The following DAB1 variants were observed in gnomAD, a reference collection of about 807,000 sequenced individuals.
The protein encoded by DAB1 is DAB adaptor protein 1, also known as disabled homolog 1.
DAB1 carries 15 observed loss-of-function variants against 64.6 expected under a neutral mutation model. That is an observed-to-expected ratio of 0.23 (90% CI 0.16 to 0.36). The LOEUF is 0.36. Ranked by LOEUF, DAB1 falls within the 10% of genes least tolerant of loss-of-function variation. DAB1 has a pLI of 1.00. For missense variants in DAB1, 596 were observed against 706.7 expected (o/e 0.84, Z 1.78); for synonymous variants, 235 against 251.9 (o/e 0.93, Z 0.64).
intron 7 of DAB1, among the ~76,000 whole-genome samples, chr1:57,503,479 T>A (rs1356040694): frequency 1.3e-5 from 2 of 152,186 alleles, no homozygotes; most frequent in South Asian, 4.1e-4. Flanking sequence ...TTCCCATCTG[T>A]CATCTGCACT....
At chr1:57,876,796 A>G (rs1335470733) in intron 1 of DAB1, 3 of 152,178 alleles carry the variant, frequency 2.0e-5, no homozygotes, top group Non-Finnish European at 2.9e-5. Context: ...CTCACCAAGA[A>G]AAGAAGACAG....
At chr1:57,011,298 A>C in intron 12 of DAB1, 26 bp from the exon 13 acceptor site, 1 of 1,607,506 alleles carries the variant, frequency 6.2e-7, no homozygotes, top group Non-Finnish European at 8.5e-7. Context: ...AGAAAAAGAG[A>C]CATCTTAAGT....
At chr1:57,179,749 G>A (rs17482565) in intron 2 of DAB1, among the ~76,000 whole-genome samples, 34,177 of 152,004 alleles carry the variant, frequency 0.22, 5,000 homozygotes, top group Middle Eastern at 0.34. Flanking sequence ...CTAGAAACAC[G>A]TTTGTGCACC....
At chr1:58,534,384 C>T (rs17096876) in intron 1 of DAB1, 17,031 of 747,622 alleles carry the variant, frequency 0.023, 481 homozygotes, top group East Asian at 0.12. Flanking sequence ...AAAATGCTTA[C>T]TCTGCTTCAT....
At chr1:58,502,403 A>G (rs577344175) in intron 3 of DAB1, among the ~76,000 whole-genome samples, 1 of 152,302 alleles carries the variant, frequency 6.6e-6, no homozygotes, top group African/African-American at 2.4e-5. Context: ...GAACTCATCC[A>G]TTCTCATTGC....
At chr1:57,830,384 T>G (rs934893336) in intron 1 of DAB1, among the ~76,000 whole-genome samples, 4 of 152,216 alleles carry the variant, frequency 2.6e-5, no homozygotes, top group African/African-American at 9.6e-5. Flanking sequence ...TTACTTTTCC[T>G]ATTTTTAGCA....
intron 1 of DAB1, among the ~76,000 whole-genome samples, chr1:57,403,335 G>A (rs1683393310): frequency 1.3e-5 from 2 of 152,176 alleles, no homozygotes; most frequent in Admixed American, 1.3e-4. Flanking sequence ...ACTGCTTGGG[G>A]AGAACCTACT....
At chr1:57,363,573 G>A (rs1407616282) in intron 1 of DAB1, among the ~76,000 whole-genome samples, 2 of 152,156 alleles carry the variant, frequency 1.3e-5, no homozygotes, top group African/African-American at 2.4e-5. Context: ...AAAACTAAAT[G>A]AGATGATATA....
At chr1:57,630,468 T>A (rs1168786546) in intron 7 of DAB1, among the ~76,000 whole-genome samples, 3 of 152,208 alleles carry the variant, frequency 2.0e-5, no homozygotes, top group Non-Finnish European at 2.9e-5. Flanking sequence ...TAGTTATTTG[T>A]TTCACCCTAA....
At chr1:58,044,567 A>G (rs1647198894) in intron 5 of DAB1, among the ~76,000 whole-genome samples, 1 of 152,128 alleles carries the variant, frequency 6.6e-6, no homozygotes, top group Non-Finnish European at 1.5e-5. Flanking sequence ...AAGAACTAAT[A>G]TAATTATTGA....
At chr1:58,082,784 G>A (rs1650076068) in intron 5 of DAB1, among the ~76,000 whole-genome samples, 1 of 152,116 alleles carries the variant, frequency 6.6e-6, no homozygotes, top group Admixed American at 6.5e-5. Context: ...TCTGTGCAGA[G>A]GGGACAGGAC....
chr1:57,032,637 T>G (rs1646999835), intron 9 of DAB1, among the ~76,000 whole-genome samples: 1 of 152,198 alleles, frequency 6.6e-6, no homozygotes, highest in South Asian at 2.1e-4. Flanking sequence ...GAAAAATTAT[T>G]GATGCCTGGT....
intron 3 of DAB1, among the ~76,000 whole-genome samples, chr1:58,497,241 G>A (rs961550871): frequency 2.6e-5 from 4 of 152,116 alleles, no homozygotes; most frequent in Admixed American, 2.0e-4. Flanking sequence ...ACAAAAGGGA[G>A]GGGGGTACTG....
chr1:57,717,326 C>T (rs1159005512), intron 6 of DAB1, among the ~76,000 whole-genome samples: 1 of 150,078 alleles, frequency 6.7e-6, no homozygotes, highest in African/African-American at 2.4e-5. Flanking sequence ...AAAAAATGAT[C>T]AAAAAAATCA....
intron 6 of DAB1, among the ~76,000 whole-genome samples, chr1:57,670,941 A>T (rs1646503484): frequency 6.6e-6 from 1 of 152,134 alleles, no homozygotes; most frequent in African/African-American, 2.4e-5. Context: ...TTTGCATGTA[A>T]CCTACAGGCA....
In DAB1 at chr1:57,956,722, C is replaced by A. The variant is rs76477204; in HGVS notation, n.388-72560G>T. ...AAATAGAGAAGAAGTTGTAAGGGTACGTGTAACCACTCTAGATTGGATACT... is the reference window on the plus strand; with the variant it reads ...AAATAGAGAAGAAGTTGTAAGGGTAAGTGTAACCACTCTAGATTGGATACT... On this transcript the variant is annotated intron_variant and non_coding_transcript_variant, in intron 5 of 20. Transcript: ENST00000485760. Among the ~76,000 whole-genome samples, 3 of 152,224 alleles carry A rather than the reference C, an allele frequency of 2.0e-5. No homozygotes were observed. In the South Asian group the frequency reaches 6.2e-4, roughly 32 times the overall value.
At chr1:58,134,499 G>A (rs1186904320) in intron 5 of DAB1, among the ~76,000 whole-genome samples, 1 of 151,678 alleles carries the variant, frequency 6.6e-6, no homozygotes, top group Non-Finnish European at 1.5e-5. Flanking sequence ...ACAAAACTGA[G>A]ACTGGGTAAT....
chr1:57,103,130 A>G (rs574199224), intron 4 of DAB1, among the ~76,000 whole-genome samples: 4 of 152,314 alleles, frequency 2.6e-5, no homozygotes, highest in Admixed American at 1.3e-4. Context: ...AACAGCTGGA[A>G]GCACATTATC....
intron 2 of DAB1, among the ~76,000 whole-genome samples, chr1:57,243,930 C>A (rs1465986156): frequency 6.6e-6 from 1 of 152,126 alleles, no homozygotes; most frequent in Non-Finnish European, 1.5e-5. Context: ...CTATTCCTCC[C>A]AGGGACCTTC....
Sources: allele counts gnomAD v4.1 joint callset (sites outside exome capture counted in the v4.1 genomes callset), GRCh38; gene constraint gnomAD v4.1.1; transcripts MANE v1.5; gene names NCBI Gene and HGNC (gene_info 2026-07-23, HGNC 2026-07-21).